The following SFMBT2 variants were observed in gnomAD, a reference collection of about 807,000 sequenced individuals.
SFMBT2 encodes the protein Scm like with four mbt domains 2.
Under a neutral mutation model 110.1 loss-of-function variants are expected in SFMBT2, and 38 were observed. The observed-to-expected ratio is 0.35, with a 90% CI of 0.27 to 0.45. The LOEUF is 0.45. Ranked by LOEUF, SFMBT2 falls within the 20% of genes least tolerant of loss-of-function variation. The pLI is 1.00. For missense variants in SFMBT2, 1,011 were observed against 1,094.9 expected (o/e 0.92, Z 1.08); for synonymous variants, 425 against 425.4 (o/e 1.00, Z 0.01).
chr10:7,305,863 C>T (rs1407800197), intron 4 of SFMBT2, among the ~76,000 whole-genome samples: 1 of 152,240 alleles, frequency 6.6e-6, no homozygotes, highest in African/African-American at 2.4e-5. Context: ...TTTCCTCATT[C>T]AGAACACAGC....
chr10:7,384,916 G>A (rs1187698700), intron 1 of SFMBT2, among the ~76,000 whole-genome samples: 1 of 152,134 alleles, frequency 6.6e-6, no homozygotes, highest in Non-Finnish European at 1.5e-5. Flanking sequence ...ACACCGAACT[G>A]ACCTGCTCAC....
chr10:7,350,978 C>T (rs966835850), intron 4 of SFMBT2, among the ~76,000 whole-genome samples: 1 of 152,242 alleles, frequency 6.6e-6, no homozygotes, highest in Non-Finnish European at 1.5e-5. Context: ...CATTAGATTG[C>T]TCTACTGTTG....
At chr10:7,241,813 C>A (rs1024458415) in intron 9 of SFMBT2, among the ~76,000 whole-genome samples, 14 of 152,116 alleles carry the variant, frequency 9.2e-5, no homozygotes, top group African/African-American at 3.4e-4. Context: ...AAAACATTGA[C>A]AACTATGAAA....
rs575139078 is a variant in SFMBT2 at position 7,325,625 on chromosome 10, G to A, written c.437-39671C>T. Among the ~76,000 whole-genome samples the A allele has an allele frequency of 6.6e-5, 10 of 152,280 alleles. No homozygotes were observed. In the South Asian group the frequency reaches 1.0e-3, roughly 16 times the overall value. ...GAGAAAAAATAGTGGAAAGTAATTC[G>A]TAAGAAAATAAAGCACACTTCAGTA... On this transcript the variant is annotated intron_variant, in intron 4 of 20. Transcript: ENST00000397167.
intron 15 of SFMBT2, 99 bp downstream of exon 15, chr10:7,197,449 A>G (rs1838811890): frequency 6.7e-7 from 1 of 1,495,078 alleles, no homozygotes; most frequent in African/African-American, 1.4e-5. Flanking sequence ...ATGCCAGCTG[A>G]ACTGCTTCCA....
rs968523717 is a variant in SFMBT2, at chr10:7,160,398, T to C, written c.*3372A>G. The stretch of plus-strand genomic sequence containing the variant: ...GGTGAGACTGAGCGATGGGCTGTCA[T>C]GATTCAAGTTGAGGTGGCATCTCTT... On this transcript the variant is annotated 3_prime_UTR_variant, in exon 21 of 21. Coordinates refer to ENST00000397167, the MANE Select transcript of SFMBT2 (RefSeq NM_001387889.1). 6.6e-6 allele frequency: 1 copy of C among 152,266 alleles called. No individual in the cohort carries two copies. Among genetic ancestry groups the C allele is most frequent in the Non-Finnish European group, 1.5e-5 (1 of 68,096 alleles). 9.4% of individuals were successfully genotyped at this position (152,266 alleles called of 1,614,324 possible).
Position 7,381,823 on chromosome 10 carries a change from T to C in SFMBT2, c.76A>G (p.Asn26Asp). The stretch of plus-strand genomic sequence containing the variant: ...CCAGAATCAAGGTCTCCATTTCCAT[T>C]AGCTGAGCCGAGACACTTTTCCAAG... ...SPLEKCLGSANGNGDLDSEEG... is the reference protein window; with the variant it reads ...SPLEKCLGSADGNGDLDSEEG... Residue 26 changes from asparagine (N) to aspartate (D), a missense_variant, in exon 2 of 21, where the codon AAT (asparagine) becomes GAT (aspartate). Asn to Asp is a conservative substitution (Grantham distance 23). This residue lies in a region of SFMBT2 where 979 missense variants were observed against 1,016.1 expected (regional missense o/e 0.96). Coordinates refer to ENST00000397167, the MANE Select transcript of SFMBT2 (RefSeq NM_001387889.1). 6.2e-7 allele frequency: 1 copy of C among 1,613,708 alleles called. No individual in the cohort carries two copies. Among genetic ancestry groups the C allele is most frequent in the East Asian group, 2.2e-5 (1 of 44,858 alleles).
chr10:7,176,880 G>A (rs959230530), intron 16 of SFMBT2, among the ~76,000 whole-genome samples: 1 of 152,132 alleles, frequency 6.6e-6, no homozygotes, highest in Non-Finnish European at 1.5e-5. Flanking sequence ...AAACAGAATC[G>A]TAAGGGGTCT....
At chr10:7,345,195 G>A (rs1435730533) in intron 4 of SFMBT2, among the ~76,000 whole-genome samples, 2 of 152,018 alleles carry the variant, frequency 1.3e-5, no homozygotes, top group African/African-American at 2.4e-5. Context: ...ACCTTAGAAG[G>A]TGCCAGGGCT....
intron 14 of SFMBT2, chr10:7,198,097 A>C (rs1218625106): frequency 1.0e-6 from 1 of 985,294 alleles, no homozygotes; most frequent in African/African-American, 1.7e-5. Context: ...ACTTCACCAC[A>C]CACAGAAGCA....
rs1246593572 is a variant in SFMBT2 at position 7,170,212 on chromosome 10, GT to G, written c.2544+715del. On this transcript the variant is annotated intron_variant, in intron 20 of 20. Coordinates refer to ENST00000397167, the MANE Select transcript of SFMBT2 (RefSeq NM_001387889.1). This position sits in a 1 kb window ranked among gnomAD's most constrained non-coding sequence, Gnocchi z 4.6. ...AGTGCTGAGCTCTCTGGTTGTTGTG[GT>G]TGCTGTTTGTGTGTGAGCTTCATGC... Among the ~76,000 whole-genome samples the G allele has an allele frequency of 2.0e-5, 3 of 152,204 alleles. No individual in the cohort carries two copies. The highest frequency in any genetic ancestry group is 7.2e-5 in the African/African-American group (3 of 41,438).
chr10:7,348,621 C>G (rs892095069), intron 4 of SFMBT2, among the ~76,000 whole-genome samples: 1 of 152,234 alleles, frequency 6.6e-6, no homozygotes, highest in Non-Finnish European at 1.5e-5. Flanking sequence ...ACTCTTGCTG[C>G]ATAACCTAAG....
intron 2 of SFMBT2, among the ~76,000 whole-genome samples, chr10:7,371,551 G>A (rs1005046763): frequency 2.0e-5 from 3 of 152,166 alleles, no homozygotes; most frequent in African/African-American, 7.2e-5. Flanking sequence ...ATCAAATAAT[G>A]CATTTTAACA....
intron 4 of SFMBT2, among the ~76,000 whole-genome samples, chr10:7,312,359 CAGCACG>C (rs1842882306): frequency 6.6e-6 from 1 of 152,204 alleles, no homozygotes; most frequent in Non-Finnish European, 1.5e-5. Context: ...AACGGGTGAA[CAGCACG>C]AGCACGTGAT....
chr10:7,409,022 G>A (rs915023521), intron 1 of SFMBT2, among the ~76,000 whole-genome samples: 2 of 151,958 alleles, frequency 1.3e-5, no homozygotes, highest in Non-Finnish European at 2.9e-5. Flanking sequence ...AAGTAAGGAA[G>A]GCAACCCCTC....
At chr10:7,360,299 T>A (rs926954917) in intron 4 of SFMBT2, among the ~76,000 whole-genome samples, 1 of 152,154 alleles carries the variant, frequency 6.6e-6, no homozygotes, top group Admixed American at 6.5e-5. Flanking sequence ...AAGACCCCCA[T>A]CTCTACGAAA....
intron 4 of SFMBT2, among the ~76,000 whole-genome samples, chr10:7,366,955 C>T (rs1385727965): frequency 6.6e-6 from 1 of 152,104 alleles, no homozygotes; most frequent in East Asian, 1.9e-4. Flanking sequence ...GGTAAAACTG[C>T]CCCCGGAGAG....
intron 13 of SFMBT2, among the ~76,000 whole-genome samples, chr10:7,201,565 C>A (rs1838958947): frequency 6.6e-6 from 1 of 152,170 alleles, no homozygotes; most frequent in Non-Finnish European, 1.5e-5. Context: ...TCATTCAAAT[C>A]GTGCAGTTCC....
intron 2 of SFMBT2, among the ~76,000 whole-genome samples, chr10:7,379,866 C>T (rs1845373898): frequency 6.6e-6 from 1 of 152,132 alleles, no homozygotes; most frequent in Non-Finnish European, 1.5e-5. Flanking sequence ...ATACAGCCAC[C>T]CTTAACGAAA....
Sources: gnomAD v4.1 joint callset for allele counts (sites outside exome capture counted in the v4.1 genomes callset) on GRCh38, gnomAD v4.1.1 for gene constraint, gnomAD v4.1.1 regional missense constraint, Gnocchi (gnomAD v3.1) non-coding constraint, MANE v1.5 for transcripts, NCBI Gene and HGNC (gene_info 2026-07-23, HGNC 2026-07-21) for gene names.